Variants in RBM47 observed in about 807,000 individuals in gnomAD.
The protein encoded by RBM47 is RNA-binding protein 47.
Under a neutral mutation model 47.1 loss-of-function variants are expected in RBM47, and 21 were observed. The ratio of observed to expected loss-of-function variants is 0.45; its 90% CI spans 0.32 to 0.64. The LOEUF (loss-of-function observed/expected upper bound fraction) is 0.64, where lower values mean the gene tolerates loss of function less well. Among genes scored for constraint, RBM47 ranks in the 30% least tolerant of loss-of-function variants. The pLI, the probability that RBM47 is intolerant of heterozygous loss-of-function variation, is 0.05. For missense variants in RBM47, 708 were observed against 870.9 expected, an observed-to-expected ratio of 0.81 and a Z score of 2.35; for synonymous variants, 375 against 361.7, an observed-to-expected ratio of 1.04 and a Z score of -0.42.
intron 2 of RBM47, among the ~76,000 whole-genome samples, chr4:40,521,807 C>G (rs1051387264): frequency 1.3e-5 from 2 of 152,118 alleles, no homozygotes; most frequent in African/African-American, 4.8e-5. Context: ...TATGGGGGAA[C>G]CTGGCTAACT....
chr4:40,606,162 C>T (rs1735740724), intron 1 of RBM47, among the ~76,000 whole-genome samples: 1 of 149,354 alleles, frequency 6.7e-6, no homozygotes, highest in South Asian at 2.1e-4. Context: ...CACGTTACTG[C>T]ACTCCAGCCT....
intron 3 of RBM47, among the ~76,000 whole-genome samples, chr4:40,458,119 A>G (rs1019351667): frequency 1.3e-5 from 2 of 152,232 alleles, no homozygotes; most frequent in African/African-American, 4.8e-5. Context: ...AGTATGGTCT[A>G]TTATTACTGT....
chr4:40,553,927 C>G (rs963413894), intron 1 of RBM47, among the ~76,000 whole-genome samples: 1 of 152,094 alleles, frequency 6.6e-6, no homozygotes, highest in African/African-American at 2.4e-5. Flanking sequence ...AAAATAGGGC[C>G]TTCGTCGTAA....
chr4:40,581,984 G>A (rs1035621589), intron 1 of RBM47, among the ~76,000 whole-genome samples: 3 of 151,784 alleles, frequency 2.0e-5, no homozygotes, highest in Non-Finnish European at 4.4e-5. Flanking sequence ...CAAGTGGATC[G>A]CCATCCCCCA....
chr4:40,472,519 G>T (rs575262041), intron 2 of RBM47, among the ~76,000 whole-genome samples: 1 of 143,624 alleles, frequency 7.0e-6, no homozygotes, highest in East Asian at 2.0e-4. Context: ...CTGAGATCAC[G>T]CCATTGCACC....
At chr4:40,559,758 T>C (rs892693252) in intron 1 of RBM47, among the ~76,000 whole-genome samples, 16 of 152,282 alleles carry the variant, frequency 1.1e-4, no homozygotes, top group Admixed American at 9.8e-4. Flanking sequence ...AGGCCCTTTA[T>C]TAGAGGGTAG....
chr4:40,606,108 G>C (rs1399456657), intron 1 of RBM47, among the ~76,000 whole-genome samples: 3 of 150,680 alleles, frequency 2.0e-5, no homozygotes, highest in African/African-American at 4.9e-5. Context: ...TGAGGCAGGA[G>C]AGTCTCTTAA....
intron 1 of RBM47, among the ~76,000 whole-genome samples, chr4:40,586,319 T>C (rs1370624592): frequency 6.6e-6 from 1 of 152,028 alleles, no homozygotes; most frequent in Non-Finnish European, 1.5e-5. Flanking sequence ...GTCAAACACC[T>C]TGAAAAGAAG....
chr4:40,622,937 G>A (rs1560511302), intron 1 of RBM47, among the ~76,000 whole-genome samples: 1 of 152,198 alleles, frequency 6.6e-6, no homozygotes, highest in Non-Finnish European at 1.5e-5. Flanking sequence ...TGCGGGGAGA[G>A]CGGTGAGGAC....
At chr4:40,548,484 A>G (rs1729237656) in intron 1 of RBM47, among the ~76,000 whole-genome samples, 1 of 152,220 alleles carries the variant, frequency 6.6e-6, no homozygotes, top group Non-Finnish European at 1.5e-5. Context: ...ACCACAATGC[A>G]GAGGAGGGCT....
At chr4:40,616,515 C>T (rs1013478516) in intron 1 of RBM47, among the ~76,000 whole-genome samples, 1 of 152,050 alleles carries the variant, frequency 6.6e-6, no homozygotes, top group Non-Finnish European at 1.5e-5. Context: ...ACGGATAAAG[C>T]TTCCACCGCT....
At chr4:40,586,946 A>G (rs1733647849) in intron 1 of RBM47, among the ~76,000 whole-genome samples, 1 of 152,062 alleles carries the variant, frequency 6.6e-6, no homozygotes, top group African/African-American at 2.4e-5. Context: ...TGGGCACATC[A>G]CGTGATTTCC....
chr4:40,493,162 T>C (rs1722115963), intron 2 of RBM47, among the ~76,000 whole-genome samples: 1 of 152,148 alleles, frequency 6.6e-6, no homozygotes, highest in African/African-American at 2.4e-5. Flanking sequence ...TTTCAAGATA[T>C]ATTTATAGGA....
rs180676883 is a variant in RBM47, at chr4:40,555,116, T to C, written c.-239-10610A>G. Among the ~76,000 whole-genome samples, 866 of 152,280 alleles carry C rather than the reference T, an allele frequency of 5.7e-3. 6 individuals are homozygous for C. The highest frequency in any genetic ancestry group is 0.02 in the African/African-American group (834 of 41,550). Reference sequence around the variant, plus strand: ...ATGCCCAGTTAATTTTTTGTATTTTTACTAGAGATGGGGTTTCACTATGTT... The same window carrying C: ...ATGCCCAGTTAATTTTTTGTATTTTCACTAGAGATGGGGTTTCACTATGTT... On this transcript the variant is annotated intron_variant, in intron 1 of 6. Coordinates refer to ENST00000295971, the MANE Select transcript of RBM47 (RefSeq NM_001098634.2).
chr4:40,537,396 G>A (rs1728089477), intron 2 of RBM47, among the ~76,000 whole-genome samples: 1 of 151,794 alleles, frequency 6.6e-6, no homozygotes, highest in Non-Finnish European at 1.5e-5. Flanking sequence ...CTGAGTAGCT[G>A]GGACTACAGG....
chr4:40,466,272 A>T (rs1474728712), intron 3 of RBM47, among the ~76,000 whole-genome samples: 1 of 145,092 alleles, frequency 6.9e-6, no homozygotes, highest in Non-Finnish European at 1.5e-5. Flanking sequence ...TCTCAAAAAA[A>T]AAAAAAAAAA....
In RBM47 at chr4:40,616,879, T is replaced by TTTC. The variant is rs1290692136; in HGVS notation, c.-240+12516_-240+12517insGAA. On this transcript the variant is annotated intron_variant, in intron 1 of 6. Transcript: ENST00000295971. ...TTCATCTTATATTTTCTTTTCTTTT[T>TTTC]TTTTTTTTTTTTTTGAGACAGAGTC... Among the ~76,000 whole-genome samples, 274 of 144,192 alleles carry TTTC rather than the reference T, an allele frequency of 1.9e-3. 1 individual carries two copies. The highest frequency in any genetic ancestry group is 6.8e-3 in the African/African-American group (267 of 39,084). 94.6% of individuals were successfully genotyped at this position (144,192 alleles called of 152,430 possible).
intron 1 of RBM47, among the ~76,000 whole-genome samples, chr4:40,568,353 C>T (rs1363732650): frequency 2.8e-5 from 4 of 144,906 alleles, no homozygotes; most frequent in Admixed American, 7.4e-5. Context: ...TGCTTGAGCC[C>T]GAGAGATGGA....
chr4:40,598,538 C>A (rs897084223), intron 1 of RBM47, among the ~76,000 whole-genome samples: 1 of 152,108 alleles, frequency 6.6e-6, no homozygotes, highest in East Asian at 1.9e-4. Context: ...GCATGAGCCA[C>A]TGCGCCCGGC....
Sources: allele counts gnomAD v4.1 joint callset (sites outside exome capture counted in the v4.1 genomes callset), GRCh38; gene constraint gnomAD v4.1.1; transcripts MANE v1.5; gene names NCBI Gene and HGNC (gene_info 2026-07-23, HGNC 2026-07-21).